CNTN1: variants seen among roughly 807,000 people sequenced by gnomAD.
CNTN1 encodes the protein contactin 1, also known as contactin-1.
A neutral mutation model predicts 126.4 loss-of-function variants in CNTN1; 38 were observed. That is an observed-to-expected ratio of 0.30 (90% CI 0.23 to 0.39). The LOEUF (loss-of-function observed/expected upper bound fraction) is 0.39. Ranked by LOEUF, CNTN1 falls within the 10% of genes least tolerant of loss-of-function variation. The pLI, the probability that CNTN1 is intolerant of heterozygous loss-of-function variation, is 1.00. For synonymous variants in CNTN1, 413 were observed against 422.6 expected (o/e 0.98, Z 0.28); for missense variants, 1,009 against 1,248.4 (o/e 0.81, Z 2.89).
At chr12:40,907,128 C>T (rs1008216084) in intron 1 of CNTN1, among the ~76,000 whole-genome samples, 2 of 152,236 alleles carry the variant, frequency 1.3e-5, no homozygotes, top group East Asian at 3.9e-4. Flanking sequence ...ATGCCCTAGG[C>T]CATATCATTC....
chr12:41,057,985 G>A (rs1949862140), intron 23 of CNTN1, among the ~76,000 whole-genome samples: 1 of 152,078 alleles, frequency 6.6e-6, no homozygotes, highest in Non-Finnish European at 1.5e-5. Context: ...ATAATTAAGT[G>A]CATGGTACCT....
intron 1 of CNTN1, among the ~76,000 whole-genome samples, chr12:40,776,910 C>T (rs538931927): frequency 6.6e-6 from 1 of 151,670 alleles, no homozygotes; most frequent in African/African-American, 2.4e-5. Context: ...TCTGGCCACA[C>T]TTTTATACTG....
intron 16 of CNTN1, among the ~76,000 whole-genome samples, chr12:40,992,442 A>C (rs529334277): frequency 6.6e-6 from 1 of 152,244 alleles, no homozygotes; most frequent in South Asian, 2.1e-4. Context: ...GCAAGCTTAT[A>C]ATAATGCACA....
intron 12 of CNTN1, among the ~76,000 whole-genome samples, 164 bp downstream of exon 12, chr12:40,939,649 A>G (rs989942671): frequency 1.3e-5 from 2 of 152,168 alleles, no homozygotes; most frequent in Non-Finnish European, 2.9e-5. Flanking sequence ...TATCCCTGTC[A>G]GTATCTATTA....
chr12:40,898,111 C>T (rs1944477973), intron 1 of CNTN1, among the ~76,000 whole-genome samples: 1 of 152,074 alleles, frequency 6.6e-6, no homozygotes, highest in African/African-American at 2.4e-5. Flanking sequence ...TCTCAATAAA[C>T]ATATTCAACA....
intron 1 of CNTN1, among the ~76,000 whole-genome samples, chr12:40,796,453 C>A (rs1940434531): frequency 6.6e-6 from 1 of 152,016 alleles, no homozygotes; most frequent in African/African-American, 2.4e-5. Flanking sequence ...TATTATATAT[C>A]AAAATCTCTA....
chr12:40,916,366 A>G (rs1186655545), intron 3 of CNTN1, among the ~76,000 whole-genome samples: 1 of 152,124 alleles, frequency 6.6e-6, no homozygotes, highest in Non-Finnish European at 1.5e-5. Context: ...CTCAAGGAAT[A>G]GCTTATGAAA....
At chr12:41,007,045 G>GTTTTTTTTTT (rs71078294) in intron 17 of CNTN1, among the ~76,000 whole-genome samples, 3 of 69,244 alleles carry the variant, frequency 4.3e-5, no homozygotes, top group African/African-American at 6.2e-5. Flanking sequence ...GTTTTGTGTG[G>GTTTTTTTTTT]TTTTTTTTTT....
intron 1 of CNTN1, among the ~76,000 whole-genome samples, chr12:40,892,166 C>T (rs1944259519): frequency 6.6e-6 from 1 of 152,030 alleles, no homozygotes; most frequent in Admixed American, 6.5e-5. Context: ...GAGCAAAGAT[C>T]TACCACTAAG....
intron 21 of CNTN1, 97 bp from the exon 22 acceptor site, chr12:41,027,760 G>A: frequency 1.3e-6 from 1 of 788,406 alleles, no homozygotes; most frequent in Admixed American, 1.9e-5. Context: ...GATGGTGGTG[G>A]TCATTATCAT....
chr12:40,978,445 T>C (rs1947739363), intron 15 of CNTN1, among the ~76,000 whole-genome samples: 1 of 152,036 alleles, frequency 6.6e-6, no homozygotes, highest in Non-Finnish European at 1.5e-5. Context: ...CATGATGATA[T>C]AGTATTTCAA....
At chr12:40,898,671 A>G (rs920658803) in intron 1 of CNTN1, among the ~76,000 whole-genome samples, 1 of 152,192 alleles carries the variant, frequency 6.6e-6, no homozygotes, top group African/African-American at 2.4e-5. Context: ...ACAGAATGTC[A>G]ATGATTACAT....
At chr12:41,007,260 C>A (rs1204388202) in intron 17 of CNTN1, among the ~76,000 whole-genome samples, 1 of 151,644 alleles carries the variant, frequency 6.6e-6, no homozygotes. Context: ...CGGGGTTTCA[C>A]CGTTTTAGCC....
chr12:40,832,379 A>C (rs1047180026), intron 1 of CNTN1, among the ~76,000 whole-genome samples: 1 of 152,168 alleles, frequency 6.6e-6, no homozygotes, highest in South Asian at 2.1e-4. Context: ...AGAGCAACAC[A>C]TTACCTTTTT....
At position 40,713,651 on chromosome 12, in the gene CNTN1, G is replaced by A. The variant is rs146810480; in HGVS notation, c.-77+21059G>A. On this transcript the variant is annotated intron_variant, in intron 1 of 23. Transcript: ENST00000551295. ...AGTGCTAGAGAAGTTGGCTGTAGAT[G>A]TAATATTTTTAAGGTCCTATCATGT... is the stretch of plus-strand genomic sequence containing the variant. Among the ~76,000 whole-genome samples, 509 of 152,118 alleles carry A rather than the reference G, an allele frequency of 3.3e-3. 1 individual carries two copies. The highest frequency in any genetic ancestry group is 0.012 in the African/African-American group (480 of 41,526).
rs1281427595 is a variant in CNTN1, at chr12:41,070,084, CA to C, written c.*51del. On this transcript the variant is annotated 3_prime_UTR_variant, in exon 24 of 24. Transcript: ENST00000551295. Reference sequence around the variant, plus strand: ...CCATCCCAGCTCAGAAGACACCCTTCAACCCTGGGATGACCACAATTCCTTC... The same window carrying C: ...CCATCCCAGCTCAGAAGACACCCTTCACCCTGGGATGACCACAATTCCTTC... 4 of 1,532,476 alleles carry C rather than the reference CA, an allele frequency of 2.6e-6. No homozygotes were observed. In the African/African-American group the frequency reaches 5.5e-5, roughly 21 times the overall value. 94.9% of individuals were successfully genotyped at this position (1,532,476 alleles called of 1,614,324 possible).
chr12:40,893,664 G>A (rs17128906), intron 1 of CNTN1, among the ~76,000 whole-genome samples: 8,746 of 152,088 alleles, frequency 0.058, 512 homozygotes, highest in Admixed American at 0.16. Flanking sequence ...AGAGAGCCAT[G>A]ACAAAGGAAA....
chr12:40,821,132 G>A (rs1941429385), intron 1 of CNTN1, among the ~76,000 whole-genome samples: 1 of 152,164 alleles, frequency 6.6e-6, no homozygotes, highest in Admixed American at 6.5e-5. Context: ...AATGAGACAG[G>A]TCTAATTGTC....
At chr12:40,841,589 G>A (rs1942283015) in intron 1 of CNTN1, among the ~76,000 whole-genome samples, 1 of 151,896 alleles carries the variant, frequency 6.6e-6, no homozygotes, top group South Asian at 2.1e-4. Flanking sequence ...TTGATCAAGT[G>A]GCATTTATAC....
Sources: gnomAD v4.1 joint callset for allele counts (sites outside exome capture counted in the v4.1 genomes callset) on GRCh38, gnomAD v4.1.1 for gene constraint, MANE v1.5 for transcripts, NCBI Gene and HGNC (gene_info 2026-07-23, HGNC 2026-07-21) for gene names.